SEMA4D: variants seen among roughly 807,000 people sequenced by gnomAD.
SEMA4D encodes semaphorin-4D.
Under a neutral mutation model 74.8 loss-of-function variants are expected in SEMA4D, and 22 were observed. The observed-to-expected ratio is 0.29, with a 90% CI of 0.21 to 0.42. The LOEUF (loss-of-function observed/expected upper bound fraction) is 0.42, where lower values mean the gene tolerates loss of function less well. Among genes scored for constraint, SEMA4D ranks in the 10% least tolerant of loss-of-function variants. SEMA4D has a pLI of 1.00. For missense variants in SEMA4D, 937 were observed against 1,118.4 expected (o/e 0.84, Z 2.31); for synonymous variants, 445 against 463.7 (o/e 0.96, Z 0.52).
chr9:89,372,273 GGT>G (rs1284091519), downstream of SEMA4D, among the ~76,000 whole-genome samples: 34 of 123,640 alleles, frequency 2.7e-4, no homozygotes, highest in African/African-American at 8.5e-4. Context: ...TGTGGGGTGT[GGT>G]GTGTGTCGGG....
intron 3 of SEMA4D, among the ~76,000 whole-genome samples, chr9:89,404,410 G>T (rs150874515): frequency 6.6e-6 from 1 of 152,318 alleles, no homozygotes; most frequent in East Asian, 1.9e-4. Flanking sequence ...ATCTACAGTT[G>T]TCACAGCCTC....
intron 16 of SEMA4D, among the ~76,000 whole-genome samples, chr9:89,372,063 T>TG (rs1449020487): frequency 3.5e-5 from 2 of 57,060 alleles, no homozygotes. Context: ...GTGTGGTGTG[T>TG]TGGGGGCGTG....
At chr9:89,427,685 GCCTACGGGGCTAC>G (rs35772490) in intron 2 of SEMA4D, among the ~76,000 whole-genome samples, 1,887 of 152,324 alleles carry the variant, frequency 0.012, 36 homozygotes, top group African/African-American at 0.043. Flanking sequence ...AAGTGCCCAA[GCCTACGGGGCTAC>G]GGCCCTGCAA....
intron 16 of SEMA4D, among the ~76,000 whole-genome samples, chr9:89,371,432 G>C (rs1303888570): frequency 1.8e-5 from 2 of 112,426 alleles, no homozygotes; most frequent in Non-Finnish European, 3.9e-5. Context: ...TCTGGGGTGT[G>C]TGTGTGGGGT....
intron 1 of SEMA4D, among the ~76,000 whole-genome samples, chr9:89,477,923 A>G (rs922562948): frequency 1.3e-5 from 2 of 152,250 alleles, no homozygotes; most frequent in South Asian, 2.1e-4. Context: ...CATAAAAAAG[A>G]TAGAAGGCAC....
At chr9:89,443,565 A>G (rs1326185702) in intron 2 of SEMA4D, among the ~76,000 whole-genome samples, 2 of 152,232 alleles carry the variant, frequency 1.3e-5, no homozygotes, top group Non-Finnish European at 2.9e-5. Context: ...CAGCCGCCAG[A>G]GGAGGATCTG....
chr9:89,417,922 C>G (rs1438392302), intron 2 of SEMA4D: 1 of 188,464 alleles, frequency 5.3e-6, no homozygotes, highest in African/African-American at 2.4e-5. Flanking sequence ...GCAGCCAAGT[C>G]TGAAGCTTTG....
intron 7 of SEMA4D, 150 bp downstream of exon 7, chr9:89,393,412 T>A: frequency 1.6e-6 from 1 of 643,962 alleles, no homozygotes; most frequent in East Asian, 2.7e-5. Context: ...TTAAAGGGTC[T>A]ATGCAGTCAC....
intron 2 of SEMA4D, among the ~76,000 whole-genome samples, chr9:89,451,154 T>C (rs190956120): frequency 1.7e-3 from 253 of 152,284 alleles, no homozygotes; most frequent in Non-Finnish European, 2.4e-3. Flanking sequence ...ATTCTGATGT[T>C]AGCATTTTTC....
intron 2 of SEMA4D, among the ~76,000 whole-genome samples, chr9:89,446,698 G>A (rs1852956502): frequency 6.6e-6 from 1 of 152,164 alleles, no homozygotes; most frequent in African/African-American, 2.4e-5. Context: ...CTGGACCCTG[G>A]TGGCCACACC....
At chr9:89,496,643 C>G (rs781178055) in intron 1 of SEMA4D, among the ~76,000 whole-genome samples, 1 of 152,238 alleles carries the variant, frequency 6.6e-6, no homozygotes, top group Non-Finnish European at 1.5e-5. Context: ...ACATGATATA[C>G]GCAGACACCA....
intron 16 of SEMA4D, among the ~76,000 whole-genome samples, chr9:89,370,006 GGTGT>G (rs992914241): frequency 1.3e-5 from 2 of 151,632 alleles, no homozygotes; most frequent in South Asian, 2.1e-4. Context: ...TGGTATGATT[GGTGT>G]GTGTGTGATG....
At chr9:89,386,321 C>A (rs1838478069) in intron 13 of SEMA4D, 46 bp downstream of exon 13, 2 of 1,429,016 alleles carry the variant, frequency 1.4e-6, no homozygotes, top group East Asian at 2.3e-5. Context: ...AGAATCAAAG[C>A]CACCGAGCGG....
intron 16 of SEMA4D, among the ~76,000 whole-genome samples, chr9:89,370,068 T>G (rs1834310232): frequency 6.6e-6 from 1 of 151,130 alleles, no homozygotes; most frequent in Non-Finnish European, 1.5e-5. Flanking sequence ...GTGGTTGTGT[T>G]TGGTATGGTG....
chr9:89,363,977 T>C, intron 16 of SEMA4D: 1 of 1,613,946 alleles, frequency 6.2e-7, no homozygotes, highest in Non-Finnish European at 8.5e-7. Context: ...TTTCCACCTC[T>C]GAGTCCACAT....
rs752029588 is a variant in SEMA4D at position 89,386,419 on chromosome 9, T to C, written c.1394A>G (p.Gln465Arg). The change falls in exon 13 of 16, where the codon CAG becomes CGG. Residue 465 changes from glutamine to arginine, a missense_variant. Gln to Arg is a conservative substitution (Grantham distance 43). Transcript: ENST00000422704. The stretch of plus-strand genomic sequence containing the variant: ...GACTGGCTCAAAGTCCTGGAAGAGC[T>C]GGGTCTCCTCGATGATGTGAACAGC... ...EHAVHIIEETQLFQDFEPVQT... is the reference protein window; with the variant it reads ...EHAVHIIEETRLFQDFEPVQT... 12 of 1,614,002 alleles carry C rather than the reference T, an allele frequency of 7.4e-6. No homozygotes were observed. The highest frequency in any genetic ancestry group is 1.0e-5 in the Non-Finnish European group (12 of 1,180,004).
intron 2 of SEMA4D, among the ~76,000 whole-genome samples, chr9:89,441,031 G>T (rs1260681112): frequency 6.6e-6 from 1 of 152,198 alleles, no homozygotes; most frequent in Non-Finnish European, 1.5e-5. Flanking sequence ...GCTCACCCAG[G>T]GAGTCCTTCT....
intron 2 of SEMA4D, chr9:89,449,797 T>C (rs1348459308): frequency 6.0e-6 from 9 of 1,495,078 alleles, no homozygotes; most frequent in Non-Finnish European, 1.9e-6. Context: ...CCCACCAGCA[T>C]TTTGGTAAAT....
Position 89,388,882 on chromosome 9 carries a change from T to A in SEMA4D, c.940A>T (p.Thr314Ser). ...ACCCAGGGCACTTACAGCTGTGGGG[T>A]GAAGAGTGCATAGAACACAGGCACC... ...LKVPVFYALFTPQLNNVGLSA... is the reference protein window; with the variant it reads ...LKVPVFYALFSPQLNNVGLSA... The change falls in exon 10 of 16, where the codon ACC (threonine) becomes TCC (serine). Residue 314 changes from threonine to serine, a missense_variant. Thr to Ser is a moderately conservative substitution (Grantham distance 58). Coordinates refer to ENST00000422704, the MANE Select transcript of SEMA4D (RefSeq NM_001371194.2). The A allele has an allele frequency of 6.2e-7, 1 of 1,613,920 alleles. No individual in the cohort carries two copies.
Sources: allele counts gnomAD v4.1 joint callset (sites outside exome capture counted in the v4.1 genomes callset), GRCh38; gene constraint gnomAD v4.1.1; transcripts MANE v1.5; gene names NCBI Gene and HGNC (gene_info 2026-07-23, HGNC 2026-07-21).